FAT3: variants seen among roughly 807,000 people sequenced by gnomAD.
FAT3 encodes protocadherin Fat 3.
A neutral mutation model predicts 310.2 loss-of-function variants in FAT3; 95 were observed. The ratio of observed to expected loss-of-function variants is 0.31; its 90% CI spans 0.26 to 0.36. FAT3 has a LOEUF of 0.36. FAT3 is among the 10% of genes least tolerant of loss of function. FAT3 has a pLI of 1.00. For synonymous variants in FAT3, 2,314 were observed against 2,192.9 expected (o/e 1.06, Z -1.54); for missense variants, 5,408 against 5,715.6 (o/e 0.95, Z 1.74).
intron 2 of FAT3, among the ~76,000 whole-genome samples, chr11:92,407,087 C>G (rs1318935758): frequency 6.6e-6 from 1 of 152,140 alleles, no homozygotes; most frequent in Admixed American, 6.6e-5. Context: ...CTGCCAGATA[C>G]CAACCTTGTA....
chr11:92,376,848 C>T (rs963481870), intron 2 of FAT3, among the ~76,000 whole-genome samples: 1 of 152,094 alleles, frequency 6.6e-6, no homozygotes, highest in East Asian at 1.9e-4. Context: ...CTGAGAAATG[C>T]AGAAAATATT....
chr11:92,681,367 AT>A (rs1307430000), intron 3 of FAT3, among the ~76,000 whole-genome samples: 1 of 152,166 alleles, frequency 6.6e-6, no homozygotes, highest in African/African-American at 2.4e-5. Flanking sequence ...AAAAGAAAGA[AT>A]TAGCCATGCA....
At chr11:92,489,105 T>C (rs1165041217) in intron 2 of FAT3, among the ~76,000 whole-genome samples, 2 of 152,058 alleles carry the variant, frequency 1.3e-5, no homozygotes, top group African/African-American at 4.8e-5. Flanking sequence ...ATGTTACTCT[T>C]GTGATCTCTC....
At chr11:92,428,848 A>C (rs1247836386) in intron 2 of FAT3, among the ~76,000 whole-genome samples, 1 of 152,090 alleles carries the variant, frequency 6.6e-6, no homozygotes, top group African/African-American at 2.4e-5. Context: ...AGATGAATGT[A>C]TTTTCTGTTG....
chr11:92,332,845 C>T (rs752858205), intron 1 of FAT3, among the ~76,000 whole-genome samples: 3 of 152,162 alleles, frequency 2.0e-5, no homozygotes, highest in Non-Finnish European at 2.9e-5. Flanking sequence ...AGCAATTAGT[C>T]CCTGCTCTGT....
chr11:92,630,510 T>A (rs184278864), intron 3 of FAT3, among the ~76,000 whole-genome samples: 98 of 152,302 alleles, frequency 6.4e-4, no homozygotes, highest in African/African-American at 2.2e-3. Context: ...CCCTGTCAGC[T>A]CCTTAGGCTC....
rs2136397270 is a variant in FAT3, at chr11:92,880,738, G to A, written c.12135G>A (p.Gln4045=). Residue 4045 remains glutamine, a synonymous_variant, in exon 23 of 28, where the codon CAG becomes CAA. Coordinates refer to ENST00000525166, the MANE Select transcript of FAT3 (RefSeq NM_001367949.2). The stretch of plus-strand genomic sequence containing the variant: ...GGTCCTCTGTTTCCCCAGGCTATCA[G>A]TGTACCTGTCTCTCACAGTTTACGG... ...SCTGLPSGGY[Q]CTCLSQFTGR... The A allele has an allele frequency of 6.2e-7, 1 of 1,613,392 alleles. No individual in the cohort carries two copies. Among genetic ancestry groups the A allele is most frequent in the Non-Finnish European group, 8.5e-7 (1 of 1,179,608 alleles).
chr11:92,776,235 A>T (rs1946594780), intron 7 of FAT3, among the ~76,000 whole-genome samples: 1 of 152,226 alleles, frequency 6.6e-6, no homozygotes, highest in African/African-American at 2.4e-5. Flanking sequence ...TGGATATTTT[A>T]AAAATTGAAT....
At chr11:92,628,781 G>A (rs967193299) in intron 3 of FAT3, among the ~76,000 whole-genome samples, 2 of 152,192 alleles carry the variant, frequency 1.3e-5, no homozygotes, top group Admixed American at 6.5e-5. Flanking sequence ...TTGCTGTGGA[G>A]ACTATTATGA....
At position 92,355,346 on chromosome 11, in the gene FAT3, C is replaced by T; in HGVS notation, c.3234C>T (p.Ile1078=). 1.9e-6 allele frequency: 3 copies of T among 1,613,666 alleles called. No homozygotes were observed. Among genetic ancestry groups the T allele is most frequent in the Non-Finnish European group, 2.5e-6 (3 of 1,179,788 alleles). The stretch of plus-strand genomic sequence containing the variant: ...AAGACTCCGGAAGGGATGGAGAGAT[C>T]CAGTACTCCATCAGGGATGGCAGTG... ...RDEDSGRDGE[I]QYSIRDGSGL... is the part of the protein sequence containing the mutation. Residue 1078 remains isoleucine (I), a synonymous_variant, in exon 2 of 28, where the codon ATC becomes ATT. Coordinates refer to ENST00000525166, the MANE Select transcript of FAT3 (RefSeq NM_001367949.2).
intron 2 of FAT3, among the ~76,000 whole-genome samples, chr11:92,426,684 G>A (rs757156140): frequency 6.6e-6 from 1 of 152,176 alleles, no homozygotes. Context: ...TCAGATGGTT[G>A]TAGATATGTG....
chr11:92,322,528 A>G (rs1300112028), intron 1 of FAT3, among the ~76,000 whole-genome samples: 1 of 152,188 alleles, frequency 6.6e-6, no homozygotes, highest in Non-Finnish European at 1.5e-5. Context: ...GTAGCATGCG[A>G]TGCTGTTTGA....
rs368567454 is a variant in FAT3, at chr11:92,683,924, C to T, written c.3608-13460C>T. Among the ~76,000 whole-genome samples the T allele has an allele frequency of 7.2e-5, 11 of 152,290 alleles. No homozygotes were observed. In the East Asian group the frequency reaches 1.5e-3, roughly 21 times the overall value. On this transcript the variant is annotated intron_variant, in intron 3 of 27. Coordinates refer to ENST00000525166, the MANE Select transcript of FAT3 (RefSeq NM_001367949.2). ...TAAAATCACAGCAAAATTAAATAAT[C>T]TTGTTGAGTGGATGCTAAACCCGGC...
At chr11:92,374,425 C>T (rs1299745276) in intron 2 of FAT3, among the ~76,000 whole-genome samples, 1 of 152,076 alleles carries the variant, frequency 6.6e-6, no homozygotes, top group Non-Finnish European at 1.5e-5. Context: ...CCAAGAAGGC[C>T]TCACTAGGGA....
intron 2 of FAT3, among the ~76,000 whole-genome samples, chr11:92,421,433 T>C (rs1474223045): frequency 6.6e-6 from 1 of 152,206 alleles, no homozygotes; most frequent in East Asian, 1.9e-4. Context: ...CCTCTTTCAG[T>C]CTGTTTGTGC....
chr11:92,426,144 C>T (rs937888954), intron 2 of FAT3, among the ~76,000 whole-genome samples: 2 of 152,032 alleles, frequency 1.3e-5, no homozygotes, highest in African/African-American at 4.8e-5. Context: ...GTGATGATGA[C>T]CTTTTTTTCA....
intron 2 of FAT3, among the ~76,000 whole-genome samples, chr11:92,497,624 A>G (rs1241872764): frequency 1.3e-5 from 2 of 152,052 alleles, no homozygotes; most frequent in Non-Finnish European, 2.9e-5. Context: ...CTCCAGATTT[A>G]TGATATGACA....
At position 92,488,660 on chromosome 11, in the gene FAT3, C is replaced by T. The variant is rs182574378; in HGVS notation, c.3293-35974C>T. Among the ~76,000 whole-genome samples, 258 of 152,078 alleles carry T rather than the reference C, an allele frequency of 1.7e-3. 1 individual carries two copies. The highest frequency in any genetic ancestry group is 6.0e-3 in the African/African-American group (248 of 41,490). ...TTTCCCTCCTCTGCCTAGAACCATC[C>T]CCCAGGCTCCTTTTGGATTAACTTC... On this transcript the variant is annotated intron_variant, in intron 2 of 27. Transcript: ENST00000525166.
intron 3 of FAT3, among the ~76,000 whole-genome samples, chr11:92,656,728 G>T (rs1942594698): frequency 6.6e-6 from 1 of 152,166 alleles, no homozygotes; most frequent in African/African-American, 2.4e-5. Context: ...TTAAGAGTGA[G>T]TTACTTTCAT....
Sources: allele counts gnomAD v4.1 joint callset (sites outside exome capture counted in the v4.1 genomes callset), GRCh38; gene constraint gnomAD v4.1.1; transcripts MANE v1.5; gene names NCBI Gene and HGNC (gene_info 2026-07-23, HGNC 2026-07-21).